Variants in MAST4 observed in about 807,000 individuals in gnomAD.
MAST4 encodes microtubule associated serine/threonine kinase family member 4.
MAST4 carries 89 observed loss-of-function variants against 162.7 expected under a neutral mutation model. That is an observed-to-expected ratio of 0.55 (90% confidence interval 0.46 to 0.65). The LOEUF (loss-of-function observed/expected upper bound fraction) is 0.65, where lower values mean the gene tolerates loss of function less well. Ranked by LOEUF, MAST4 falls within the 30% of genes least tolerant of loss-of-function variation. MAST4 has a pLI of 0.00. For synonymous variants in MAST4, 1,479 were observed against 1,361.1 expected, an observed-to-expected ratio of 1.09 and a Z score of -1.91; for missense variants, 3,153 against 3,374.0, an observed-to-expected ratio of 0.93 and a Z score of 1.62.
chr5:66,991,964 C>T (rs1750108340), intron 4 of MAST4, among the ~76,000 whole-genome samples: 1 of 152,148 alleles, frequency 6.6e-6, no homozygotes, highest in Non-Finnish European at 1.5e-5. Flanking sequence ...GAGTTGGCAG[C>T]AAGGCAGACA....
rs1356581663 is a variant in MAST4, at chr5:67,163,007, A to G, written c.3968-140A>G. On this transcript the variant is annotated intron_variant, in intron 28 of 28. Coordinates refer to ENST00000403625, the MANE Select transcript of MAST4 (RefSeq NM_001164664.2). This position sits in a 1 kb window ranked among gnomAD's most constrained non-coding sequence, Gnocchi z 7.0. ...CCTTGGCCTGGAGAGGTTTATCTGA[A>G]AAGTGTTTATTCCACTAGCTAAATG... The G allele has an allele frequency of 8.8e-7, 1 of 1,133,996 alleles. No homozygotes were observed. The highest frequency in any genetic ancestry group is 1.6e-5 in the African/African-American group (1 of 64,424). The allele number at this position is 1,133,996 out of a possible 1,614,324, so 70.2% of individuals were successfully genotyped here.
chr5:67,158,161 CA>C (rs1240440902), intron 26 of MAST4, among the ~76,000 whole-genome samples: 1 of 152,076 alleles, frequency 6.6e-6, no homozygotes, highest in East Asian at 1.9e-4. Flanking sequence ...GACCCCACTC[CA>C]AAAAACCTTC....
intron 5 of MAST4, among the ~76,000 whole-genome samples, chr5:67,076,151 T>C (rs57291952): frequency 0.093 from 14,231 of 152,240 alleles, 2,073 homozygotes; most frequent in African/African-American, 0.31. Flanking sequence ...CAGGAACCAT[T>C]TCCAATTTCT....
At chr5:66,863,625 C>G (rs1431864786) in intron 3 of MAST4, among the ~76,000 whole-genome samples, 3 of 152,096 alleles carry the variant, frequency 2.0e-5, no homozygotes, top group East Asian at 1.9e-4. Context: ...TTTTCCTTCT[C>G]CCACCTCCTC....
At position 66,601,398 on chromosome 5, in the gene MAST4, C is replaced by G. The variant is rs75415151; in HGVS notation, c.363+4380C>G. Among the ~76,000 whole-genome samples the G allele has an allele frequency of 2.4e-3, 366 of 152,284 alleles. 2 individuals carry two copies. Among genetic ancestry groups the G allele is most frequent in the African/African-American group, 8.4e-3 (350 of 41,550 alleles). On this transcript the variant is annotated intron_variant, in intron 1 of 28. Coordinates refer to ENST00000403625, the MANE Select transcript of MAST4 (RefSeq NM_001164664.2). ...GTTTTGACCCCAGGGAGCTTCAACT[C>G]TAGTTGGGGAGATAGTCACTAAATA...
chr5:67,036,078 G>T (rs892009250), intron 4 of MAST4, among the ~76,000 whole-genome samples: 1 of 152,084 alleles, frequency 6.6e-6, no homozygotes, highest in African/African-American at 2.4e-5. Flanking sequence ...GGACCAAAAC[G>T]CATTAAATAC....
intron 3 of MAST4, among the ~76,000 whole-genome samples, chr5:66,854,472 C>A (rs925456976): frequency 6.6e-6 from 1 of 152,086 alleles, no homozygotes; most frequent in Non-Finnish European, 1.5e-5. Context: ...ATCAAGGTAT[C>A]GGCTGGGGCT....
intron 1 of MAST4, among the ~76,000 whole-genome samples, chr5:66,698,997 G>A (rs1021045365): frequency 1.3e-5 from 2 of 152,142 alleles, no homozygotes; most frequent in African/African-American, 4.8e-5. Flanking sequence ...CTTGTTTAAA[G>A]TATAAACCAG....
chr5:66,750,635 T>G lies in MAST4; in HGVS notation c.364-9074T>G, dbSNP rs1012075737. Reference sequence around the variant, plus strand: ...GGAGATTATATCCCGCACCTGGCTCTGAGGGTCCTACGCCCACGGAGTCTC... The same window carrying G: ...GGAGATTATATCCCGCACCTGGCTCGGAGGGTCCTACGCCCACGGAGTCTC... On this transcript the variant is annotated intron_variant, in intron 1 of 28. Transcript: ENST00000403625. 7.2e-5 allele frequency among the ~76,000 whole-genome samples: 11 copies of G among 152,314 alleles called. No homozygotes were observed. The East Asian group carries it at 1.2e-3, about 16-fold the overall frequency.
chr5:66,966,612 C>T (rs570422611), intron 4 of MAST4, among the ~76,000 whole-genome samples: 19 of 152,168 alleles, frequency 1.2e-4, no homozygotes, highest in African/African-American at 4.6e-4. Context: ...GGTGCACTGA[C>T]AGACCTGAAG....
chr5:66,606,101 T>C (rs1203161220), intron 1 of MAST4, among the ~76,000 whole-genome samples: 2 of 152,236 alleles, frequency 1.3e-5, no homozygotes. Flanking sequence ...CTTGTTCTTA[T>C]TCTTGCTTCT....
intron 4 of MAST4, among the ~76,000 whole-genome samples, chr5:67,024,029 C>G (rs113523815): frequency 1.7e-3 from 262 of 151,948 alleles, no homozygotes; most frequent in African/African-American, 6.1e-3. Context: ...TCCTGCAAAA[C>G]AAACTCTACT....
intron 1 of MAST4, among the ~76,000 whole-genome samples, chr5:66,745,369 G>A (rs76904990): frequency 0.022 from 3,316 of 152,316 alleles, 58 homozygotes; most frequent in South Asian, 0.054. Flanking sequence ...TGCCCATGGA[G>A]TGGGAGAGAC....
chr5:66,648,890 A>G (rs1231216310), intron 1 of MAST4, among the ~76,000 whole-genome samples: 2 of 152,144 alleles, frequency 1.3e-5, no homozygotes, highest in Non-Finnish European at 2.9e-5. Context: ...GTTTATGACC[A>G]TTCGGTATGA....
intron 4 of MAST4, among the ~76,000 whole-genome samples, chr5:67,013,957 G>A (rs536810468): frequency 2.0e-5 from 3 of 152,068 alleles, no homozygotes; most frequent in African/African-American, 2.4e-5. Flanking sequence ...GTTGATCTTG[G>A]AACTTGAGAT....
intron 3 of MAST4, among the ~76,000 whole-genome samples, chr5:66,838,275 A>G (rs971751118): frequency 2.0e-5 from 3 of 152,164 alleles, no homozygotes; most frequent in African/African-American, 4.8e-5. Flanking sequence ...ATACTCTTCA[A>G]TAATGTACAT....
At position 66,797,631 on chromosome 5, in the gene MAST4, A is replaced by G. The variant is rs962161484; in HGVS notation, c.642+8837A>G. Among the ~76,000 whole-genome samples the G allele has an allele frequency of 1.3e-5, 2 of 152,320 alleles. 1 individual carries two copies. Among genetic ancestry groups the G allele is most frequent in the South Asian group, 4.1e-4 (2 of 4,820 alleles). ...TGCAAGAAGACTTTTGGGAAATCCAAGATCAAGGTGGAAGCTAACAACATG... is the reference window on the plus strand; with the variant it reads ...TGCAAGAAGACTTTTGGGAAATCCAGGATCAAGGTGGAAGCTAACAACATG... On this transcript the variant is annotated intron_variant, in intron 3 of 28. Coordinates refer to ENST00000403625, the MANE Select transcript of MAST4 (RefSeq NM_001164664.2).
chr5:66,661,933 T>C (rs1352200343), intron 1 of MAST4, among the ~76,000 whole-genome samples: 1 of 152,216 alleles, frequency 6.6e-6, no homozygotes, highest in African/African-American at 2.4e-5. Context: ...TAATATTCTC[T>C]GTTATAAGCT....
At chr5:66,737,117 G>A (rs1378991372) in intron 1 of MAST4, among the ~76,000 whole-genome samples, 2 of 152,154 alleles carry the variant, frequency 1.3e-5, no homozygotes, top group Non-Finnish European at 2.9e-5. Context: ...GTTTTTTTGA[G>A]TTAGGAATTC....
Sources: gnomAD v4.1 joint callset for allele counts (sites outside exome capture counted in the v4.1 genomes callset) on GRCh38, gnomAD v4.1.1 for gene constraint, Gnocchi (gnomAD v3.1) non-coding constraint, MANE v1.5 for transcripts, NCBI Gene and HGNC (gene_info 2026-07-23, HGNC 2026-07-21) for gene names.